The following SEMA3A variants were observed in gnomAD, a reference collection of about 807,000 sequenced individuals.
SEMA3A encodes semaphorin 3A.
A neutral mutation model predicts 97.9 loss-of-function variants in SEMA3A; 29 were observed. The ratio of observed to expected loss-of-function variants is 0.30; its 90% CI spans 0.22 to 0.40. SEMA3A has a LOEUF of 0.40. SEMA3A is among the 10% of genes least tolerant of loss of function. The pLI is 1.00. For missense variants in SEMA3A, 763 were observed against 951.3 expected, an observed-to-expected ratio of 0.80 and a Z score of 2.60; for synonymous variants, 321 against 323.7, an observed-to-expected ratio of 0.99 and a Z score of 0.09.
intron 15 of SEMA3A, among the ~76,000 whole-genome samples, chr7:83,968,455 G>C (rs932199149): frequency 1.6e-4 from 25 of 152,008 alleles, no homozygotes; most frequent in Non-Finnish European, 2.8e-4. Context: ...TTTCTTTCTG[G>C]TTTTACTTTC....
intron 5 of SEMA3A, among the ~76,000 whole-genome samples, chr7:84,051,705 T>C (rs1206870143): frequency 2.8e-4 from 43 of 151,410 alleles, no homozygotes; most frequent in Admixed American, 5.3e-4. Flanking sequence ...CCTTTATTTC[T>C]TTCTCCTGCC....
intron 3 of SEMA3A, among the ~76,000 whole-genome samples, chr7:84,242,525 T>A (rs973958253): frequency 6.6e-6 from 1 of 152,164 alleles, no homozygotes; most frequent in Non-Finnish European, 1.5e-5. Context: ...GATTTTAGAC[T>A]GAGACAATGG....
intron 1 of SEMA3A, among the ~76,000 whole-genome samples, chr7:84,427,003 G>A (rs1333715829): frequency 1.3e-5 from 2 of 152,046 alleles, no homozygotes; most frequent in African/African-American, 4.8e-5. Context: ...CCCTGATGTT[G>A]GGACATGCAT....
In SEMA3A at chr7:84,068,964, CATAAT is replaced by C. The variant is rs1215356498; in HGVS notation, c.454-8411_454-8407del. Reference sequence around the variant, plus strand: ...AAGTTAGTCACCTCTTTTACCGATACATAATATGTTTCCTTTTAATGTAATTCCTA... The same window carrying C: ...AAGTTAGTCACCTCTTTTACCGATACATGTTTCCTTTTAATGTAATTCCTA... On this transcript the variant is annotated intron_variant, in intron 4 of 16. Transcript: ENST00000265362. 2.0e-5 allele frequency among the ~76,000 whole-genome samples: 3 copies of C among 152,200 alleles called. No homozygotes were observed. In the East Asian group the frequency reaches 5.8e-4, roughly 29 times the overall value.
At chr7:84,054,575 C>T (rs1415007746) in intron 5 of SEMA3A, among the ~76,000 whole-genome samples, 1 of 149,538 alleles carries the variant, frequency 6.7e-6, no homozygotes, top group African/African-American at 2.5e-5. Flanking sequence ...AAGCACTTCT[C>T]TGTATTGGTT....
At chr7:83,988,405 T>A (rs1262240212) in intron 12 of SEMA3A, among the ~76,000 whole-genome samples, 2 of 152,002 alleles carry the variant, frequency 1.3e-5, no homozygotes, top group Non-Finnish European at 2.9e-5. Context: ...TTTTTTGTAT[T>A]TTTAGTAGAG....
intron 11 of SEMA3A, among the ~76,000 whole-genome samples, chr7:84,003,606 T>A (rs1236308389): frequency 6.6e-6 from 1 of 152,104 alleles, no homozygotes; most frequent in Admixed American, 6.6e-5. Context: ...AAGCTCATGA[T>A]TAAGTTTATT....
intron 3 of SEMA3A, among the ~76,000 whole-genome samples, chr7:84,223,679 A>G (rs1458452950): frequency 6.6e-6 from 1 of 151,848 alleles, no homozygotes; most frequent in African/African-American, 2.4e-5. Context: ...CTTTATATGT[A>G]TTTGAAAAAC....
intron 1 of SEMA3A, among the ~76,000 whole-genome samples, chr7:84,150,310 G>C (rs6944814): frequency 0.076 from 11,504 of 152,222 alleles, 765 homozygotes; most frequent in African/African-American, 0.17. Flanking sequence ...GGTGATTTCT[G>C]CATTTCCATC....
rs1432184291 is a variant in SEMA3A, at chr7:84,049,803, T to C, written c.548-3360A>G. Reference sequence around the variant, plus strand: ...TATGTATACATGTGCCATGCTGGTGTGCTGCACCCACTAACTCATCATCTA... The same window carrying C: ...TATGTATACATGTGCCATGCTGGTGCGCTGCACCCACTAACTCATCATCTA... On this transcript the variant is annotated intron_variant, in intron 5 of 16. Coordinates refer to ENST00000265362, the MANE Select transcript of SEMA3A (RefSeq NM_006080.3). Among the ~76,000 whole-genome samples the C allele has an allele frequency of 3.7e-3, 563 of 150,540 alleles. 2 individuals are homozygous for C. The highest frequency in any genetic ancestry group is 0.012 in the African/African-American group (476 of 40,756).
At chr7:84,222,128 A>G (rs1798896868) in intron 3 of SEMA3A, among the ~76,000 whole-genome samples, 1 of 152,004 alleles carries the variant, frequency 6.6e-6, no homozygotes, top group Admixed American at 6.6e-5. Flanking sequence ...ACATATGCCA[A>G]GGGAAAAAAA....
Position 84,046,401 on chromosome 7 carries a change from C to T in SEMA3A, c.590G>A (p.Arg197Gln), listed in dbSNP as rs1404070020. Residue 197 changes from arginine to glutamine, a missense_variant, in exon 6 of 17, where the codon CGA becomes CAA. Arg to Gln is a conservative substitution (Grantham distance 43, BLOSUM62 1). This residue lies in a region of SEMA3A where 678 missense variants were observed against 881.3 expected (regional missense o/e 0.77). Transcript: ENST00000265362. ...AAGAGTTCGGAAGATAGCAAAGTCT[C>T]GCCCCATAAAATCAGCTGCAGTTCC... ...YSGTAADFMG[R>Q]DFAIFRTLGH... 1.2e-6 allele frequency: 2 copies of T among 1,612,994 alleles called. No individual in the cohort carries two copies. Among genetic ancestry groups the T allele is most frequent in the South Asian group, 1.1e-5 (1 of 91,066 alleles).
intron 3 of SEMA3A, among the ~76,000 whole-genome samples, chr7:84,254,722 A>G (rs1382210693): frequency 6.6e-6 from 1 of 152,114 alleles, no homozygotes; most frequent in Non-Finnish European, 1.5e-5. Context: ...TGTAATCACC[A>G]CCCAGTCAAG....
chr7:83,992,184 T>C (rs554941452), intron 12 of SEMA3A, among the ~76,000 whole-genome samples: 56 of 151,666 alleles, frequency 3.7e-4, no homozygotes, highest in Non-Finnish European at 6.8e-4. Flanking sequence ...TATCATTTTT[T>C]ATTGTGTCTA....
At chr7:84,272,878 G>A (rs1392806059) in intron 3 of SEMA3A, among the ~76,000 whole-genome samples, 9 of 152,010 alleles carry the variant, frequency 5.9e-5, no homozygotes, top group South Asian at 2.1e-4. Context: ...AAATGTAAAC[G>A]CAATTATTTA....
At chr7:84,000,612 G>T (rs2116383037) in intron 12 of SEMA3A, among the ~76,000 whole-genome samples, 1 of 152,184 alleles carries the variant, frequency 6.6e-6, no homozygotes, top group African/African-American at 2.4e-5. Flanking sequence ...TTGTTTTACT[G>T]ATGGTGGAGC....
chr7:84,404,529 A>G lies in SEMA3A; in HGVS notation c.-245-32629T>C, dbSNP rs1352759663. 2.6e-5 allele frequency among the ~76,000 whole-genome samples: 4 copies of G among 152,316 alleles called. No individual in the cohort carries two copies. The East Asian group carries it at 7.7e-4, about 29-fold the overall frequency. On this transcript the variant is annotated intron_variant, in intron 1 of 3. Coordinates refer to the SEMA3A transcript ENST00000424555. ...GCAAGGCAGGCCAAAATTCAAATTC[A>G]GGAAACACAGAGAATGCCACAGAGA... is the stretch of plus-strand genomic sequence containing the variant.
At chr7:84,023,777 G>A (rs1172355197) in intron 6 of SEMA3A, among the ~76,000 whole-genome samples, 2 of 151,902 alleles carry the variant, frequency 1.3e-5, no homozygotes, top group Admixed American at 6.6e-5. Flanking sequence ...TTGGGAGGCC[G>A]AGGCGGGTGG....
intron 3 of SEMA3A, among the ~76,000 whole-genome samples, chr7:84,249,154 T>C (rs1195780488): frequency 3.3e-5 from 5 of 152,224 alleles, no homozygotes; most frequent in African/African-American, 7.2e-5. Context: ...CCTTAGCTAC[T>C]GTATCTGGAG....
Sources: gnomAD v4.1 joint callset for allele counts (sites outside exome capture counted in the v4.1 genomes callset) on GRCh38, gnomAD v4.1.1 for gene constraint, gnomAD v4.1.1 regional missense constraint, MANE v1.5 for transcripts, NCBI Gene and HGNC (gene_info 2026-07-23, HGNC 2026-07-21) for gene names.